Variants in MINDY2 observed in about 807,000 individuals in gnomAD.
The protein encoded by MINDY2 is ubiquitin carboxyl-terminal hydrolase MINDY-2.
Under a neutral mutation model 68.2 loss-of-function variants are expected in MINDY2, and 52 were observed. The ratio of observed to expected loss-of-function variants is 0.76; its 90% CI spans 0.61 to 0.96. The LOEUF (loss-of-function observed/expected upper bound fraction) is 0.96. Among genes scored for constraint, MINDY2 ranks in the 40% least tolerant of loss-of-function variants. The pLI is 0.00. For synonymous variants in MINDY2, 372 were observed against 303.0 expected, an observed-to-expected ratio of 1.23 and a Z score of -2.36; for missense variants, 881 against 773.4, an observed-to-expected ratio of 1.14 and a Z score of -1.65.
At chr15:58,854,386 G>T in intron 8 of MINDY2, 96 bp from the exon 9 acceptor site, 2 of 1,386,306 alleles carry the variant, frequency 1.4e-6, no homozygotes, top group Non-Finnish European at 1.9e-6. Context: ...TTCCATCAGT[G>T]ATTCCTTCCA....
chr15:58,847,026 A>G (rs745868892), intron 6 of MINDY2, among the ~76,000 whole-genome samples: 4 of 152,166 alleles, frequency 2.6e-5, no homozygotes, highest in Non-Finnish European at 4.4e-5. Flanking sequence ...AAACCCCCCC[A>G]AAGGTGTTTA....
chr15:58,820,134 C>T (rs145997079), intron 4 of MINDY2, among the ~76,000 whole-genome samples: 89 of 152,138 alleles, frequency 5.8e-4, no homozygotes, highest in Non-Finnish European at 7.2e-4. Flanking sequence ...GGCATGGTGG[C>T]GTGCACCTGT....
chr15:58,791,215 T>TTATATA (rs57998049), intron 2 of MINDY2, among the ~76,000 whole-genome samples: 859 of 79,264 alleles, frequency 0.011, 27 homozygotes, highest in Non-Finnish European at 0.018. Flanking sequence ...GAAAGCAATT[T>TTATATA]TATATATATA....
chr15:58,846,365 G>A (rs201709279), intron 6 of MINDY2, among the ~76,000 whole-genome samples: 4 of 151,976 alleles, frequency 2.6e-5, no homozygotes, highest in East Asian at 1.9e-4. Context: ...AGGCTGAGGC[G>A]GGTGGATCAC....
chr15:58,826,607 TCTC>T (rs765029536), intron 5 of MINDY2, among the ~76,000 whole-genome samples: 4 of 152,158 alleles, frequency 2.6e-5, no homozygotes, highest in Non-Finnish European at 5.9e-5. Context: ...TCATCATTTG[TCTC>T]CTAAGAACAA....
intron 2 of MINDY2, among the ~76,000 whole-genome samples, chr15:58,790,460 A>G (rs1341616760): frequency 6.6e-6 from 1 of 152,156 alleles, no homozygotes; most frequent in East Asian, 1.9e-4. Context: ...TAAAGATGTA[A>G]CAGCAATTTT....
chr15:58,782,685 T>C (rs968445532), intron 1 of MINDY2, among the ~76,000 whole-genome samples: 8 of 152,132 alleles, frequency 5.3e-5, no homozygotes, highest in Non-Finnish European at 1.2e-4. Context: ...CTGTGAGTAT[T>C]GATAATTGGC....
In MINDY2 at chr15:58,856,698, C is replaced by G. The variant is rs2140883849; in HGVS notation, c.*2088C>G. ...TTTACTCTTGATATCACTCTGTTGG[C>G]TGAAGGAGGTAACTCAAACCTCAGG... On this transcript the variant is annotated 3_prime_UTR_variant, in exon 9 of 9. Coordinates refer to ENST00000559228, the MANE Select transcript of MINDY2 (RefSeq NM_001040450.3). The G allele has an allele frequency of 6.6e-6, 1 of 152,284 alleles. No individual in the cohort carries two copies. Among genetic ancestry groups the G allele is most frequent in the Admixed American group, 6.5e-5 (1 of 15,298 alleles). 9.4% of individuals were successfully genotyped at this position (152,284 alleles called of 1,614,324 possible).
intron 5 of MINDY2, among the ~76,000 whole-genome samples, chr15:58,827,069 G>T (rs1298069640): frequency 6.6e-6 from 1 of 152,056 alleles, no homozygotes; most frequent in Non-Finnish European, 1.5e-5. Context: ...TATATTTTTG[G>T]CAGGGATGCT....
intron 1 of MINDY2, among the ~76,000 whole-genome samples, chr15:58,778,253 AT>A (rs1438106711): frequency 6.6e-6 from 1 of 152,172 alleles, no homozygotes; most frequent in Non-Finnish European, 1.5e-5. Context: ...ATTGTATAGC[AT>A]TTTAGTAGAA....
intron 1 of MINDY2, among the ~76,000 whole-genome samples, chr15:58,772,490 A>G (rs1900499495): frequency 6.6e-6 from 1 of 152,256 alleles, no homozygotes; most frequent in African/African-American, 2.4e-5. Context: ...TACACTTAGA[A>G]ACAAGAAGGA....
chr15:58,843,393 T>G (rs1274144913), intron 6 of MINDY2, among the ~76,000 whole-genome samples: 2 of 152,012 alleles, frequency 1.3e-5, no homozygotes, highest in African/African-American at 2.4e-5. Flanking sequence ...TCAAGTGATA[T>G]GTCCACCTCA....
intron 3 of MINDY2, among the ~76,000 whole-genome samples, chr15:58,805,002 A>G (rs1241994999): frequency 6.6e-6 from 1 of 152,146 alleles, no homozygotes; most frequent in Non-Finnish European, 1.5e-5. Context: ...AATGCTTGCA[A>G]ATGTTATCAG....
rs1213109756 is a variant in MINDY2, at chr15:58,771,692, G to C, written c.297G>C (p.Glu99Asp). 2 of 1,612,456 alleles carry C rather than the reference G, an allele frequency of 1.2e-6. No homozygotes were observed. Among genetic ancestry groups the C allele is most frequent in the Non-Finnish European group, 1.7e-6 (2 of 1,179,838 alleles). ...GTTTGGAGAGTCCTGCTGCCGCCGA[G>C]GCGCCTCTGAGAGGGCAGTACAAGG... is the stretch of plus-strand genomic sequence containing the variant. ...DSGLESPAAA[E>D]APLRGQYKVT... Residue 99 changes from glutamate (E) to aspartate (D), a missense_variant, in exon 1 of 9, where the codon GAG becomes GAC. Glu to Asp is a conservative substitution (Grantham distance 45, BLOSUM62 2). Coordinates refer to ENST00000559228, the MANE Select transcript of MINDY2 (RefSeq NM_001040450.3).
chr15:58,794,358 G>GGTGT (rs3985718), intron 2 of MINDY2, among the ~76,000 whole-genome samples: 13,024 of 139,020 alleles, frequency 0.094, 630 homozygotes, highest in Middle Eastern at 0.12. Context: ...TTTTTTTTGG[G>GGTGT]GTGTGTGTGT....
Position 58,810,370 on chromosome 15 carries a change from G to A in MINDY2, c.1104G>A (p.Gly368=). Reference sequence around the variant, plus strand: ...TTCTTGATATTCCTTTGTACCATGGGTGGTTAGTAGACCCTCAGGTAAGTC... The same window carrying A: ...TTCTTGATATTCCTTTGTACCATGGATGGTTAGTAGACCCTCAGGTAAGTC... ...FDLLDIPLYH[G]WLVDPQIDDI... is the part of the protein sequence containing the mutation. Residue 368 remains glycine, a synonymous_variant, in exon 4 of 9, where the codon GGG becomes GGA. Coordinates refer to ENST00000559228, the MANE Select transcript of MINDY2 (RefSeq NM_001040450.3). 1 of 1,596,368 alleles carries A rather than the reference G, an allele frequency of 6.3e-7. No individual in the cohort carries two copies. The highest frequency in any genetic ancestry group is 8.5e-7 in the Non-Finnish European group (1 of 1,172,650).
intron 4 of MINDY2, among the ~76,000 whole-genome samples, chr15:58,819,621 T>C (rs1244586030): frequency 6.6e-6 from 1 of 152,218 alleles, no homozygotes; most frequent in Non-Finnish European, 1.5e-5. Flanking sequence ...TTGTTTGCAT[T>C]ACTGGTGTGA....
intron 2 of MINDY2, among the ~76,000 whole-genome samples, chr15:58,792,632 A>G (rs1902024516): frequency 6.6e-6 from 1 of 152,252 alleles, no homozygotes; most frequent in South Asian, 2.1e-4. Flanking sequence ...AAATGTTCAA[A>G]GCAGTATTAT....
intron 1 of MINDY2, among the ~76,000 whole-genome samples, chr15:58,772,784 G>A (rs1205164187): frequency 6.6e-6 from 1 of 152,132 alleles, no homozygotes; most frequent in African/African-American, 2.4e-5. Flanking sequence ...CCCAATTACC[G>A]TAACTTCTTG....
Sources: gnomAD v4.1 joint callset for allele counts (sites outside exome capture counted in the v4.1 genomes callset) on GRCh38, gnomAD v4.1.1 for gene constraint, MANE v1.5 for transcripts, NCBI Gene and HGNC (gene_info 2026-07-23, HGNC 2026-07-21) for gene names.